The following RBFOX3 variants were observed in gnomAD, a reference collection of about 807,000 sequenced individuals.
RBFOX3 encodes the protein RNA binding fox-1 homolog 3.
A neutral mutation model predicts 48.7 loss-of-function variants in RBFOX3; 17 were observed. The observed-to-expected ratio is 0.35, with a 90% confidence interval of 0.24 to 0.52. The LOEUF (loss-of-function observed/expected upper bound fraction) is 0.52, where lower values mean the gene tolerates loss of function less well. Among genes scored for constraint, RBFOX3 ranks in the 20% least tolerant of loss-of-function variants. RBFOX3 has a pLI of 0.94. For missense variants in RBFOX3, 382 were observed against 497.5 expected, an observed-to-expected ratio of 0.77 and a Z score of 2.21; for synonymous variants, 212 against 209.5, an observed-to-expected ratio of 1.01 and a Z score of -0.10.
At chr17:79,628,335 G>A in the RBFOX3 span, among the ~76,000 whole-genome samples, 3 of 152,102 alleles carry the variant, frequency 2.0e-5, no homozygotes, top group African/African-American at 4.8e-5. Context: ...AAACCTGATC[G>A]TTTCCCCCTC....
At chr17:79,458,435 A>G (rs1323548948) in intron 2 of RBFOX3, among the ~76,000 whole-genome samples, 2 of 151,744 alleles carry the variant, frequency 1.3e-5, no homozygotes, top group African/African-American at 4.8e-5. Flanking sequence ...AGTGATATAC[A>G]CACGTGTGTG....
chr17:79,127,753 C>T (rs956730785), intron 4 of RBFOX3, among the ~76,000 whole-genome samples: 2 of 152,136 alleles, frequency 1.3e-5, no homozygotes, highest in Non-Finnish European at 1.5e-5. Flanking sequence ...TGGAACAGCA[C>T]GAGTTATCTG....
intron 1 of RBFOX3, among the ~76,000 whole-genome samples, chr17:79,596,744 T>G (rs1245438394): frequency 9.9e-5 from 15 of 152,192 alleles, no homozygotes; most frequent in African/African-American, 3.6e-4. Flanking sequence ...GATCTGTGAT[T>G]TTTTGCTTTT....
intron 1 of RBFOX3, among the ~76,000 whole-genome samples, chr17:79,595,162 G>A (rs1039942719): frequency 4.0e-5 from 6 of 150,820 alleles, no homozygotes; most frequent in African/African-American, 1.5e-4. Context: ...TGAGAGAAAC[G>A]AGCCACTTTC....
At chr17:79,457,754 G>A (rs555604532) in intron 2 of RBFOX3, among the ~76,000 whole-genome samples, 3 of 152,370 alleles carry the variant, frequency 2.0e-5, no homozygotes, top group East Asian at 1.9e-4. Context: ...CTGCCCTCAG[G>A]CAGCGAGTCC....
chr17:79,203,911 A>T (rs1313679071), intron 4 of RBFOX3, among the ~76,000 whole-genome samples: 1 of 152,148 alleles, frequency 6.6e-6, no homozygotes, highest in Non-Finnish European at 1.5e-5. Context: ...CCCCTGACGA[A>T]GTCCAAGCAC....
intron 4 of RBFOX3, chr17:79,234,280 G>A (rs1196662133): frequency 6.6e-6 from 1 of 152,324 alleles, no homozygotes; most frequent in Non-Finnish European, 1.5e-5. Flanking sequence ...TCTGCCCGCA[G>A]CCCTGAGTGG....
At chr17:79,278,906 C>T (rs913752678) in intron 3 of RBFOX3, among the ~76,000 whole-genome samples, 3 of 151,944 alleles carry the variant, frequency 2.0e-5, no homozygotes, top group Admixed American at 1.3e-4. Context: ...TGCCAGCAGC[C>T]GGTTCTGGTT....
chr17:79,227,789 G>A (rs557399198), intron 4 of RBFOX3, among the ~76,000 whole-genome samples: 3 of 152,326 alleles, frequency 2.0e-5, no homozygotes, highest in Non-Finnish European at 4.4e-5. Flanking sequence ...GGTAGGCTCG[G>A]GGCCTCTGTG....
chr17:79,520,485 G>T (rs1038173813), intron 1 of RBFOX3, among the ~76,000 whole-genome samples: 4 of 152,266 alleles, frequency 2.6e-5, no homozygotes, highest in African/African-American at 9.6e-5. Flanking sequence ...CACAGGATGC[G>T]CATTAAAACC....
At chr17:79,146,406 AGTCTGCAAGAGGG>A (rs1266992487) in intron 4 of RBFOX3, among the ~76,000 whole-genome samples, 2 of 152,202 alleles carry the variant, frequency 1.3e-5, no homozygotes, top group East Asian at 3.8e-4. Context: ...CATTAGACCG[AGTCTGCAAGAGGG>A]TACGTGACTC....
intron 1 of RBFOX3, among the ~76,000 whole-genome samples, chr17:79,499,803 G>C (rs2082136002): frequency 6.6e-6 from 1 of 152,176 alleles, no homozygotes; most frequent in African/African-American, 2.4e-5. Context: ...GATATACAGT[G>C]GTGGCCATTA....
chr17:79,450,371 G>A (rs782246814), intron 2 of RBFOX3, among the ~76,000 whole-genome samples: 12 of 152,296 alleles, frequency 7.9e-5, no homozygotes, highest in East Asian at 1.9e-4. Context: ...AAAAAACACC[G>A]GAGCCTATAG....
the RBFOX3 span, among the ~76,000 whole-genome samples, chr17:79,619,585 T>C: frequency 6.6e-6 from 1 of 152,128 alleles, no homozygotes; most frequent in African/African-American, 2.4e-5. Context: ...TAACTATACC[T>C]GCAAAGGTAC....
chr17:79,236,784 GC>G (rs1375129375), intron 3 of RBFOX3, among the ~76,000 whole-genome samples: 1 of 152,250 alleles, frequency 6.6e-6, no homozygotes, highest in African/African-American at 2.4e-5. Context: ...GCTCACTGGG[GC>G]CTGGGACTCC....
chr17:79,582,909 A>G (rs1321623459), intron 1 of RBFOX3, among the ~76,000 whole-genome samples: 2 of 151,414 alleles, frequency 1.3e-5, no homozygotes, highest in African/African-American at 4.9e-5. Flanking sequence ...GGCCTCGTTC[A>G]GGCCTGTCTC....
chr17:79,589,660 C>G (rs1025376038), intron 1 of RBFOX3, among the ~76,000 whole-genome samples: 2 of 152,132 alleles, frequency 1.3e-5, no homozygotes, highest in Non-Finnish European at 2.9e-5. Context: ...CAGAAATGCA[C>G]GGGGAGGAGC....
chr17:79,462,227 T>G (rs1411799912), intron 2 of RBFOX3, among the ~76,000 whole-genome samples: 1 of 152,174 alleles, frequency 6.6e-6, no homozygotes, highest in African/African-American at 2.4e-5. Flanking sequence ...CAAACACTCA[T>G]GAGATGCATG....
intron 2 of RBFOX3, among the ~76,000 whole-genome samples, chr17:79,332,638 A>G (rs1399596593): frequency 7.0e-6 from 1 of 142,698 alleles, no homozygotes; most frequent in East Asian, 1.9e-4. Flanking sequence ...AGAGAGACAG[A>G]GATGGAGACA....
Sources: allele counts gnomAD v4.1 joint callset (sites outside exome capture counted in the v4.1 genomes callset), GRCh38; gene constraint gnomAD v4.1.1; transcripts MANE v1.5; gene names NCBI Gene and HGNC (gene_info 2026-07-23, HGNC 2026-07-21).